COL4A5: variants seen among roughly 807,000 people sequenced by gnomAD.
COL4A5 encodes the protein collagen type IV alpha 5 chain, also known as collagen alpha-5(IV) chain.
COL4A5 carries 26 observed loss-of-function variants against 130.2 expected under a neutral mutation model. That is an observed-to-expected ratio of 0.20 (90% CI 0.15 to 0.28). COL4A5 has a LOEUF of 0.28. Among genes scored for constraint, COL4A5 ranks in the 10% least tolerant of loss-of-function variants. COL4A5 has a pLI of 1.00. For missense variants in COL4A5, 1,131 were observed against 1,344.3 expected, an observed-to-expected ratio of 0.84 and a Z score of 2.48; for synonymous variants, 496 against 439.6, an observed-to-expected ratio of 1.13 and a Z score of -1.60.
At chrX:108,639,593 G>C (rs1480677898) in intron 36 of COL4A5, among the ~76,000 whole-genome samples, 2 of 111,242 alleles carry the variant, frequency 1.8e-5, no homozygotes, top group Non-Finnish European at 3.8e-5. Context: ...AGAGTGAAAA[G>C]GCAACTCATG....
chrX:108,590,628 G>C (rs916116562), intron 19 of COL4A5, among the ~76,000 whole-genome samples: 1 of 111,543 alleles, frequency 9.0e-6, no homozygotes, highest in African/African-American at 3.3e-5. Flanking sequence ...ATTTTCCTTA[G>C]CAGTTTTGAA....
chrX:108,644,586 C>T (rs1016384454), intron 36 of COL4A5, among the ~76,000 whole-genome samples: 1 of 111,725 alleles, frequency 9.0e-6, no homozygotes, highest in Non-Finnish European at 1.9e-5. Flanking sequence ...AAGGAATCTG[C>T]AAATACATGG....
At chrX:108,648,391 C>T (rs1170314497) in intron 36 of COL4A5, among the ~76,000 whole-genome samples, 1 of 111,218 alleles carries the variant, frequency 9.0e-6, no homozygotes. Flanking sequence ...GGAGCCCTCC[C>T]TAATTCATTT....
chrX:108,616,330 G>C (rs2066926435), intron 30 of COL4A5, among the ~76,000 whole-genome samples: 1 of 109,995 alleles, frequency 9.1e-6, no homozygotes, highest in Non-Finnish European at 1.9e-5. Flanking sequence ...CAACCTCCTG[G>C]GCTCAAACGA....
chrX:108,617,334 T>C (rs928681620), intron 30 of COL4A5, among the ~76,000 whole-genome samples: 29 of 111,968 alleles, frequency 2.6e-4, no homozygotes, highest in Admixed American at 2.5e-3. Flanking sequence ...AATAAGCTTA[T>C]TTAATATACT....
rs34077552 is a variant in COL4A5, at chrX:108,601,436, G to T, written c.1992G>T (p.Lys664Asn). 13,527 of 1,204,997 alleles carry T rather than the reference G, an allele frequency of 0.011. 59 individuals carry two copies. Among genetic ancestry groups the T allele is most frequent in the South Asian group, 0.015 (829 of 56,274 alleles). Reference sequence around the variant, plus strand: ...GTCAGACTATAACCCAGCCGGGGAAGCCTGGCTTGCCTGGTAACCCAGGCA... The same window carrying T: ...GTCAGACTATAACCCAGCCGGGGAATCCTGGCTTGCCTGGTAACCCAGGCA... ...DPGQTITQPG[K>N]PGLPGNPGRD... Residue 664 changes from lysine to asparagine, a missense_variant, in exon 26 of 53, where the codon AAG becomes AAT. Transcript: ENST00000328300.
intron 1 of COL4A5, among the ~76,000 whole-genome samples, chrX:108,451,602 T>C (rs1253483150): frequency 5.4e-5 from 6 of 110,418 alleles, no homozygotes; most frequent in Admixed American, 1.9e-4. Context: ...CCAGTGATGA[T>C]GAGCATTTTT....
intron 37 of COL4A5, among the ~76,000 whole-genome samples, chrX:108,664,769 C>T (rs981051671): frequency 1.5e-4 from 17 of 111,698 alleles, no homozygotes; most frequent in Middle Eastern, 4.6e-3. Flanking sequence ...AGATACTTCA[C>T]GAAAGAAGAT....
At chrX:108,636,762 A>G (rs1319341216) in intron 36 of COL4A5, among the ~76,000 whole-genome samples, 1 of 110,834 alleles carries the variant, frequency 9.0e-6, no homozygotes, top group Non-Finnish European at 1.9e-5. Context: ...GTAAGTCTTC[A>G]TACACTTAAA....
intron 37 of COL4A5, among the ~76,000 whole-genome samples, chrX:108,656,136 T>C (rs963455476): frequency 1.8e-5 from 2 of 111,670 alleles, no homozygotes; most frequent in Admixed American, 1.9e-4. Flanking sequence ...TAAAATAGTT[T>C]CTTCATCCCA....
intron 4 of COL4A5, among the ~76,000 whole-genome samples, chrX:108,565,480 A>G (rs1355796885): frequency 2.7e-5 from 3 of 111,942 alleles, no homozygotes; most frequent in South Asian, 3.7e-4. Context: ...ATGTCCCTCT[A>G]ACAACCACGT....
At chrX:108,602,592 T>G (rs919265092) in intron 27 of COL4A5, among the ~76,000 whole-genome samples, 2 of 112,320 alleles carry the variant, frequency 1.8e-5, no homozygotes, top group African/African-American at 3.2e-5. Context: ...TCTGCAGTTA[T>G]TTTTAGATCA....
At chrX:108,476,842 A>T (rs776627657) in intron 1 of COL4A5, among the ~76,000 whole-genome samples, 1 of 111,929 alleles carries the variant, frequency 8.9e-6, no homozygotes, top group African/African-American at 3.2e-5. Context: ...TGATGGACAC[A>T]TGGTTGCTTC....
At chrX:108,473,624 T>TAC (rs1431271564) in intron 1 of COL4A5, among the ~76,000 whole-genome samples, 1 of 42,100 alleles carries the variant, frequency 2.4e-5, no homozygotes, top group Non-Finnish European at 5.2e-5. Flanking sequence ...TATATATATA[T>TAC]ATATATATAT....
chrX:108,512,298 G>C (rs1420754947), intron 1 of COL4A5, among the ~76,000 whole-genome samples: 1 of 111,393 alleles, frequency 9.0e-6, no homozygotes, highest in Non-Finnish European at 1.9e-5. Context: ...CATCCTTCTA[G>C]TGAGTTTTCT....
In COL4A5 at chrX:108,665,690, A is replaced by C. The variant is rs1240100968; in HGVS notation, c.3454+103A>C. On this transcript the variant is annotated intron_variant, in intron 38 of 52. Transcript: ENST00000328300. ...TTCAGCTGTGAACATTTTCAACACA[A>C]GGAAATATAGTGTTCATTCACTTAA... 2.3e-5 allele frequency: 13 copies of C among 564,020 alleles called. No individual in the cohort carries two copies. The South Asian group carries it at 3.4e-4, about 15-fold the overall frequency. The allele number at this position is 564,020 out of a possible 1,213,427, so 46.5% of individuals were successfully genotyped here. A position where few individuals can be genotyped will look rare whatever the true frequency, so the allele number is the denominator to read the frequency against.
At chrX:108,659,347 C>T (rs761280366) in intron 37 of COL4A5, among the ~76,000 whole-genome samples, 2 of 110,667 alleles carry the variant, frequency 1.8e-5, no homozygotes, top group African/African-American at 6.5e-5. Flanking sequence ...TTCCTTGTAC[C>T]CTTGAAAATA....
chrX:108,442,319 T>G (rs974692428), intron 1 of COL4A5, among the ~76,000 whole-genome samples: 3 of 111,829 alleles, frequency 2.7e-5, no homozygotes, highest in Non-Finnish European at 3.8e-5. Context: ...TCTGAAATCA[T>G]GCCAAATTGG....
intron 1 of COL4A5, among the ~76,000 whole-genome samples, chrX:108,455,173 A>G (rs2064572172): frequency 9.0e-6 from 1 of 111,716 alleles, no homozygotes; most frequent in Non-Finnish European, 1.9e-5. Context: ...AGATTTTTAT[A>G]TAAATGCAAT....
Sources: gnomAD v4.1 joint callset for allele counts (sites outside exome capture counted in the v4.1 genomes callset) on GRCh38, gnomAD v4.1.1 for gene constraint, MANE v1.5 for transcripts, NCBI Gene and HGNC (gene_info 2026-07-23, HGNC 2026-07-21) for gene names.